KIF7: variants seen among roughly 807,000 people sequenced by gnomAD.
KIF7 encodes the protein kinesin family member 7.
In KIF7, 104 loss-of-function variants were observed where a neutral mutation model predicts 135.7. The ratio of observed to expected loss-of-function variants is 0.77; its 90% CI spans 0.65 to 0.90. KIF7 has a LOEUF of 0.90. Ranked by LOEUF, KIF7 falls within the 40% of genes least tolerant of loss-of-function variation. The pLI, the probability that KIF7 is intolerant of heterozygous loss-of-function variation, is 0.00. For synonymous variants in KIF7, 883 were observed against 809.4 expected, an observed-to-expected ratio of 1.09 and a Z score of -1.54; for missense variants, 2,005 against 1,839.1, an observed-to-expected ratio of 1.09 and a Z score of -1.65.
At chr15:89,622,975 C>T (rs942975240) in intron 1 of KIF7, among the ~76,000 whole-genome samples, 1 of 152,218 alleles carries the variant, frequency 6.6e-6, no homozygotes, top group African/African-American at 2.4e-5. Context: ...CCCCACTGAA[C>T]AGGAAATGCC....
At chr15:89,642,433 G>A (rs1402215800) in intron 10 of KIF7, 28 bp from the exon 11 acceptor site, 1 of 1,543,158 alleles carries the variant, frequency 6.5e-7, no homozygotes, top group Admixed American at 1.9e-5. Context: ...TGTCAGCACA[G>A]GCAGCCCTGC....
At chr15:89,640,003 G>C (rs1382856645) in intron 11 of KIF7, among the ~76,000 whole-genome samples, 1 of 152,206 alleles carries the variant, frequency 6.6e-6, no homozygotes, top group African/African-American at 2.4e-5. Context: ...GGACATGGAT[G>C]AAACTGGAAA....
At chr15:89,638,836 A>G (rs908578080) in intron 11 of KIF7, among the ~76,000 whole-genome samples, 1 of 152,242 alleles carries the variant, frequency 6.6e-6, no homozygotes, top group Non-Finnish European at 1.5e-5. Flanking sequence ...TGCATCACCA[A>G]GTCAATCCTA....
At position 89,633,720 on chromosome 15, in the gene KIF7, T is replaced by G. The variant is rs1963736791; in HGVS notation, c.2558A>C (p.Glu853Ala). 1.2e-6 allele frequency: 2 copies of G among 1,608,420 alleles called. No individual in the cohort carries two copies. The highest frequency in any genetic ancestry group is 1.3e-5 in the African/African-American group (1 of 74,928). Residue 853 changes from glutamate (E) to alanine (A), a missense_variant, in exon 12 of 19, where the codon GAG (glutamate) becomes GCG (alanine). Glu to Ala is a moderately radical substitution (Grantham distance 107). Transcript: ENST00000394412. ...GTGCTGCCGCTTGCTCATTTCTGCC[T>G]CCAGGCGCCGCTTCTGCTCCGTCTC... ...REETEQKRRLEAEMSKRQHRV... is the reference protein window; with the variant it reads ...REETEQKRRLAAEMSKRQHRV...
intron 15 of KIF7, chr15:89,630,861 C>A: frequency 2.6e-6 from 1 of 380,818 alleles, no homozygotes; most frequent in South Asian, 2.3e-5. Context: ...CATCATTAGG[C>A]GTTTTCGACG....
chr15:89,626,897 T>A, downstream of KIF7: 1 of 1,580,550 alleles, frequency 6.3e-7, no homozygotes, highest in Non-Finnish European at 8.6e-7. Context: ...TTTAAGCCAA[T>A]TTTTTTCAGT....
At position 89,628,636 on chromosome 15, in the gene KIF7, G is replaced by A. The variant is rs765907353; in HGVS notation, c.3815C>T (p.Pro1272Leu). The A allele has an allele frequency of 4.3e-5, 69 of 1,613,104 alleles. No individual in the cohort carries two copies. Among genetic ancestry groups the A allele is most frequent in the Middle Eastern group, 1.6e-4 (1 of 6,084 alleles). ...CGAGCGTTTCCAGGTCAAGGGTAAC[G>A]GAGCGTGGACCAAGTCCCGCGTCTC... ...REETRDLVHA[P>L]LPLTWKRSSL... Residue 1272 changes from proline (P) to leucine (L), a missense_variant, in exon 19 of 19, where the codon CCG (proline) becomes CTG (leucine). By Grantham distance (98) the Pro-to-Leu change is moderately conservative. Coordinates refer to ENST00000394412, the MANE Select transcript of KIF7 (RefSeq NM_198525.3).
chr15:89,627,246 C>CATCT (rs1963549171), downstream of KIF7: 24 of 816,280 alleles, frequency 2.9e-5, no homozygotes, highest in South Asian at 4.6e-4. Context: ...GGATCCAATC[C>CATCT]ATCTCCTGGC....
chr15:89,631,389 G>A lies in KIF7; in HGVS notation c.3111+106C>T, dbSNP rs141362318. ...CTAACAGTGAAAACTTGGGTCTGCCGACAGCAAGGCCCAGCACCCGCAGAG... is the reference window on the plus strand; with the variant it reads ...CTAACAGTGAAAACTTGGGTCTGCCAACAGCAAGGCCCAGCACCCGCAGAG... On this transcript the variant is annotated intron_variant, in intron 15 of 18. Coordinates refer to ENST00000394412, the MANE Select transcript of KIF7 (RefSeq NM_198525.3). 0.013 allele frequency: 13,837 copies of A among 1,064,740 alleles called. 189 individuals carry two copies. Among genetic ancestry groups the A allele is most frequent in the Non-Finnish European group, 0.013 (9,752 of 744,858 alleles). 66.0% of individuals were successfully genotyped at this position (1,064,740 alleles called of 1,614,324 possible).
At position 89,628,325 on chromosome 15, in the gene KIF7, G is replaced by T; in HGVS notation, c.*94C>A. The T allele has an allele frequency of 6.8e-7, 1 of 1,472,390 alleles. No individual in the cohort carries two copies. The highest frequency in any genetic ancestry group is 9.1e-7 in the Non-Finnish European group (1 of 1,094,118). The allele number at this position is 1,472,390 out of a possible 1,614,324, so 91.2% of individuals were successfully genotyped here. The stretch of plus-strand genomic sequence containing the variant: ...AGATGAGGGCCTGGATTTAGGGTGT[G>T]CGGTAAGGACTGCCCTTCACAGAAG... On this transcript the variant is annotated 3_prime_UTR_variant, in exon 19 of 19. Coordinates refer to ENST00000394412, the MANE Select transcript of KIF7 (RefSeq NM_198525.3).
At chr15:89,635,247 G>A (rs147458127) in intron 11 of KIF7, among the ~76,000 whole-genome samples, 1,618 of 152,296 alleles carry the variant, frequency 0.011, 40 homozygotes, top group African/African-American at 0.038. Flanking sequence ...CAGAAAAAAT[G>A]GAAACTCTAA....
At position 89,633,691 on chromosome 15, in the gene KIF7, C is replaced by A. The variant is rs767054471; in HGVS notation, c.2587G>T (p.Val863Phe). The A allele has an allele frequency of 1.2e-6, 2 of 1,606,732 alleles. No individual in the cohort carries two copies. The highest frequency in any genetic ancestry group is 2.7e-5 in the African/African-American group (2 of 74,882). Reference protein sequence around the residue: ...EAEMSKRQHRVKELELKHEQQ... With the variant: ...EAEMSKRQHRFKELELKHEQQ... ...CACCCTGCCGTGAGCCTGACCTTGA[C>A]GCGGTGCTGCCGCTTGCTCATTTCT... Residue 863 changes from valine to phenylalanine, a missense_variant, in exon 12 of 19, where the codon GTC becomes TTC. Coordinates refer to ENST00000394412, the MANE Select transcript of KIF7 (RefSeq NM_198525.3).
chr15:89,625,587 C>G (rs533877882), downstream of KIF7: 4 of 1,612,770 alleles, frequency 2.5e-6, no homozygotes, highest in Non-Finnish European at 2.5e-6. Flanking sequence ...TGCCTAAGGC[C>G]GAGGAAGCCT....
downstream of KIF7, chr15:89,625,465 G>C: frequency 6.2e-7 from 1 of 1,613,942 alleles, no homozygotes; most frequent in South Asian, 1.1e-5. Context: ...GCTTGAGTCA[G>C]AGGGCAAGGA....
chr15:89,632,688 G>C, intron 14 of KIF7, 132 bp downstream of exon 14: 1 of 944,240 alleles, frequency 1.1e-6, no homozygotes, highest in Non-Finnish European at 1.6e-6. Flanking sequence ...TTATCACTTG[G>C]AAGGACCTCA....
At chr15:89,644,961 A>T in intron 10 of KIF7, 52 bp downstream of exon 10, 1 of 1,600,834 alleles carries the variant, frequency 6.2e-7, no homozygotes, top group Non-Finnish European at 8.5e-7. Flanking sequence ...TGCAGAAGTA[A>T]CGATGAGAAG....
Position 89,648,596 on chromosome 15 carries a change from T to C in KIF7, c.1102A>G (p.Thr368Ala), listed in dbSNP as rs8037349. The C allele has an allele frequency of 0.9, 1,376,734 of 1,528,112 alleles. 622,120 individuals carry two copies. Among genetic ancestry groups the C allele is most frequent in the African/African-American group, 0.96 (69,778 of 72,600 alleles). 94.7% of individuals were successfully genotyped at this position (1,528,112 alleles called of 1,614,324 possible). A position where few individuals can be genotyped will look rare whatever the true frequency, so the allele number is the denominator to read the frequency against. Residue 368 changes from threonine (T) to alanine (A), a missense_variant, in exon 5 of 19, where the codon ACG becomes GCG. Physicochemically the swap from Thr to Ala is moderately conservative, Grantham distance 58. Coordinates refer to ENST00000394412, the MANE Select transcript of KIF7 (RefSeq NM_198525.3). ...RPEAERPPEE[T>A]ASGARGPPRH... ...GGCGGACCCCGCGCGCCGCTCGCCG[T>C]CTCTTCGGGTGGCCGCTCGGCCTCG... is the stretch of plus-strand genomic sequence containing the variant.
At chr15:89,625,125 C>T (rs1445542818), downstream of KIF7, 1 of 1,613,980 alleles carries the variant, frequency 6.2e-7, no homozygotes, top group Non-Finnish European at 8.5e-7. Flanking sequence ...TCCCTGCTCT[C>T]AGCATGCCCA....
chr15:89,628,624 G>A lies in KIF7; in HGVS notation c.3827C>T (p.Thr1276Ile), dbSNP rs774071217. The part of the protein sequence containing the change: ...RDLVHAPLPL[T>I]WKRSSLCGEE... ...ACCACACAGGCTCGAGCGTTTCCAG[G>A]TCAAGGGTAACGGAGCGTGGACCAA... is the stretch of plus-strand genomic sequence containing the variant. Residue 1276 changes from threonine (T) to isoleucine (I), a missense_variant, in exon 19 of 19, where the codon ACC becomes ATC. Transcript: ENST00000394412. 2 of 1,613,320 alleles carry A rather than the reference G, an allele frequency of 1.2e-6. No individual in the cohort carries two copies. Among genetic ancestry groups the A allele is most frequent in the Admixed American group, 1.7e-5 (1 of 60,024 alleles).
Sources: gnomAD v4.1 joint callset for allele counts (sites outside exome capture counted in the v4.1 genomes callset) on GRCh38, gnomAD v4.1.1 for gene constraint, MANE v1.5 for transcripts, NCBI Gene and HGNC (gene_info 2026-07-23, HGNC 2026-07-21) for gene names.